The following RPS6KC1 variants were observed in gnomAD, a reference collection of about 807,000 sequenced individuals.
The protein encoded by RPS6KC1 is ribosomal protein S6 kinase C1.
In RPS6KC1, 54 loss-of-function variants were observed where a neutral mutation model predicts 103.8. That is an observed-to-expected ratio of 0.52 (90% CI 0.42 to 0.65). The LOEUF is 0.65. Ranked by LOEUF, RPS6KC1 falls within the 30% of genes least tolerant of loss-of-function variation. The probability of loss-of-function intolerance (pLI) is 0.00; values close to 1 mark genes in which losing one functional copy is unlikely to be tolerated. For synonymous variants in RPS6KC1, 439 were observed against 438.7 expected, an observed-to-expected ratio of 1.00 and a Z score of -0.01; for missense variants, 1,151 against 1,253.8, an observed-to-expected ratio of 0.92 and a Z score of 1.24.
the RPS6KC1 span, among the ~76,000 whole-genome samples, chr1:213,399,603 C>A: frequency 3.7e-3 from 569 of 152,186 alleles, 6 homozygotes; most frequent in African/African-American, 0.013. Context: ...AAAAGATATC[C>A]AGACCTCGAA....
the RPS6KC1 span, among the ~76,000 whole-genome samples, chr1:213,630,789 C>T: frequency 6.6e-6 from 1 of 151,656 alleles, no homozygotes; most frequent in Admixed American, 6.6e-5. Flanking sequence ...AGTTTTCCTT[C>T]TAACAGTAAG....
At chr1:213,072,139 TG>T (rs1180897591) in intron 2 of RPS6KC1, among the ~76,000 whole-genome samples, 3 of 150,642 alleles carry the variant, frequency 2.0e-5, no homozygotes, top group African/African-American at 7.3e-5. Context: ...GCAACAGTAT[TG>T]TTTTTTTTTT....
chr1:213,441,862 A>G, the RPS6KC1 span, among the ~76,000 whole-genome samples: 2 of 152,268 alleles, frequency 1.3e-5, no homozygotes, highest in Non-Finnish European at 2.9e-5. Flanking sequence ...TCTCAACACA[A>G]AAAGTGTTAA....
chr1:213,505,432 C>A, the RPS6KC1 span, among the ~76,000 whole-genome samples: 9 of 152,164 alleles, frequency 5.9e-5, no homozygotes, highest in Non-Finnish European at 1.2e-4. Flanking sequence ...CCAGCCCTAC[C>A]ACGTGCCAGC....
the RPS6KC1 span, among the ~76,000 whole-genome samples, chr1:213,402,621 T>G: frequency 6.6e-6 from 1 of 152,122 alleles, no homozygotes; most frequent in African/African-American, 2.4e-5. Context: ...AAGAGATGTA[T>G]CTGTCTTGTT....
At chr1:213,733,082 T>C in the RPS6KC1 span, among the ~76,000 whole-genome samples, 8 of 152,340 alleles carry the variant, frequency 5.3e-5, no homozygotes, top group East Asian at 1.5e-3. Context: ...TCTTGGCTAT[T>C]GTGAATAATG....
At chr1:213,808,535 T>A in the RPS6KC1 span, among the ~76,000 whole-genome samples, 1 of 152,342 alleles carries the variant, frequency 6.6e-6, no homozygotes, top group African/African-American at 2.4e-5. Context: ...GATCTCAGAC[T>A]GCTGTGCTAG....
At chr1:213,195,018 G>A (rs987897501) in intron 8 of RPS6KC1, among the ~76,000 whole-genome samples, 2 of 152,218 alleles carry the variant, frequency 1.3e-5, no homozygotes, top group Non-Finnish European at 2.9e-5. Flanking sequence ...GTGGAGGAGA[G>A]AAGGGTGTGT....
chr1:213,616,352 C>T, the RPS6KC1 span, among the ~76,000 whole-genome samples: 1 of 152,072 alleles, frequency 6.6e-6, no homozygotes, highest in African/African-American at 2.4e-5. Context: ...AAGGGCAGGG[C>T]GGGGCAGGAC....
chr1:213,606,748 G>C, the RPS6KC1 span, among the ~76,000 whole-genome samples: 26 of 152,296 alleles, frequency 1.7e-4, no homozygotes, highest in Admixed American at 1.5e-3. Context: ...ACTGTCAGAG[G>C]CATGTTTGAG....
chr1:213,826,659 GA>G, the RPS6KC1 span, among the ~76,000 whole-genome samples: 173 of 152,340 alleles, frequency 1.1e-3, 1 homozygote, highest in Non-Finnish European at 6.5e-4. Context: ...CCTGCTCATA[GA>G]TTATCCAGAG....
At chr1:213,086,346 G>C (rs944414042) in intron 3 of RPS6KC1, among the ~76,000 whole-genome samples, 6 of 152,200 alleles carry the variant, frequency 3.9e-5, no homozygotes, top group Admixed American at 3.3e-4. Context: ...CCACAACAGA[G>C]CTTCCTGCTT....
At chr1:213,051,728 C>T (rs1016529212) in intron 1 of RPS6KC1, among the ~76,000 whole-genome samples, 1 of 152,042 alleles carries the variant, frequency 6.6e-6, no homozygotes, top group Non-Finnish European at 1.5e-5. Context: ...TGGTAGAGTC[C>T]TCTTTCTGGG....
At chr1:213,516,970 C>T in the RPS6KC1 span, among the ~76,000 whole-genome samples, 3 of 152,162 alleles carry the variant, frequency 2.0e-5, no homozygotes, top group Admixed American at 1.3e-4. Flanking sequence ...GTGTATGTGT[C>T]AAGGAATTTA....
chr1:213,410,286 G>A, the RPS6KC1 span, among the ~76,000 whole-genome samples: 1 of 152,296 alleles, frequency 6.6e-6, no homozygotes, highest in Middle Eastern at 3.4e-3. Context: ...GAGGAAATGA[G>A]AGGGGGTGAG....
At chr1:213,384,704 A>C in the RPS6KC1 span, among the ~76,000 whole-genome samples, 1 of 152,190 alleles carries the variant, frequency 6.6e-6, no homozygotes, top group Admixed American at 6.5e-5. Context: ...TCCATTCTAC[A>C]GACAAGGAAA....
At chr1:213,664,131 G>A in the RPS6KC1 span, among the ~76,000 whole-genome samples, 1 of 142,846 alleles carries the variant, frequency 7.0e-6, no homozygotes, top group Non-Finnish European at 1.5e-5. Context: ...GCTCCCCATG[G>A]CACACTGATT....
chr1:213,781,800 AT>A, the RPS6KC1 span, among the ~76,000 whole-genome samples: 1 of 152,056 alleles, frequency 6.6e-6, no homozygotes, highest in Non-Finnish European at 1.5e-5. Flanking sequence ...GTAAAGGACA[AT>A]TTGGCAAAGG....
At chr1:213,744,163 A>G in the RPS6KC1 span, among the ~76,000 whole-genome samples, 2 of 152,064 alleles carry the variant, frequency 1.3e-5, no homozygotes, top group African/African-American at 4.8e-5. Flanking sequence ...AAAAGACTAC[A>G]TGGTGGGTAC....
Sources: gnomAD v4.1 joint callset for allele counts (sites outside exome capture counted in the v4.1 genomes callset) on GRCh38, gnomAD v4.1.1 for gene constraint, MANE v1.5 for transcripts, NCBI Gene and HGNC (gene_info 2026-07-23, HGNC 2026-07-21) for gene names.